Variants in SPAG16 observed in about 807,000 individuals in gnomAD.
SPAG16 encodes sperm-associated antigen 16 protein.
In SPAG16, 86 loss-of-function variants were observed where a neutral mutation model predicts 80.4. That is an observed-to-expected ratio of 1.07 (90% confidence interval 0.90 to 1.28). The LOEUF (loss-of-function observed/expected upper bound fraction) is 1.28. Ranked by LOEUF, SPAG16 falls within the 50% of genes most tolerant of loss-of-function variation. SPAG16 has a pLI of 0.00. For missense variants in SPAG16, 870 were observed against 765.3 expected (o/e 1.14, Z -1.61); for synonymous variants, 294 against 265.9 (o/e 1.11, Z -1.03).
chr2:214,115,635 T>G (rs775593923), intron 14 of SPAG16, among the ~76,000 whole-genome samples: 4 of 152,038 alleles, frequency 2.6e-5, no homozygotes, highest in Non-Finnish European at 5.9e-5. Flanking sequence ...TCCCAAAACT[T>G]TGGGAGACTG....
intron 11 of SPAG16, among the ~76,000 whole-genome samples, chr2:213,925,824 G>A (rs1002582050): frequency 6.6e-6 from 1 of 152,078 alleles, no homozygotes; most frequent in Non-Finnish European, 1.5e-5. Context: ...TATATAAAGA[G>A]CTTATTAGTG....
At chr2:213,565,431 G>A (rs1187667364) in intron 10 of SPAG16, among the ~76,000 whole-genome samples, 3 of 152,208 alleles carry the variant, frequency 2.0e-5, no homozygotes, top group Non-Finnish European at 4.4e-5. Context: ...GGAAACCTAA[G>A]CAAAACATAA....
intron 10 of SPAG16, among the ~76,000 whole-genome samples, chr2:213,776,245 A>C (rs1350509825): frequency 6.6e-6 from 1 of 152,190 alleles, no homozygotes; most frequent in Non-Finnish European, 1.5e-5. Flanking sequence ...GAGCCCTTAA[A>C]AGTGGATAAA....
chr2:213,725,720 C>T (rs903457159), intron 10 of SPAG16, among the ~76,000 whole-genome samples: 3 of 152,202 alleles, frequency 2.0e-5, no homozygotes, highest in Non-Finnish European at 4.4e-5. Context: ...ATGGAGTTGA[C>T]TTGAGTGTTT....
At chr2:213,981,337 T>C (rs2106417030) in intron 12 of SPAG16, among the ~76,000 whole-genome samples, 1 of 152,236 alleles carries the variant, frequency 6.6e-6, no homozygotes, top group East Asian at 1.9e-4. Context: ...AAAAATATAG[T>C]GCTTTGACTT....
chr2:213,493,899 A>T (rs1429113909), intron 10 of SPAG16, among the ~76,000 whole-genome samples: 1 of 152,124 alleles, frequency 6.6e-6, no homozygotes, highest in African/African-American at 2.4e-5. Context: ...GGACTGAATT[A>T]ATAGCCTCCA....
At chr2:213,294,148 T>A (rs953596883) in intron 1 of SPAG16, among the ~76,000 whole-genome samples, 2 of 152,214 alleles carry the variant, frequency 1.3e-5, no homozygotes, top group African/African-American at 4.8e-5. Flanking sequence ...GGAATTTTTT[T>A]TAGATTCCAC....
chr2:214,346,130 AGTT>A (rs1475054152), intron 15 of SPAG16, among the ~76,000 whole-genome samples: 8 of 152,236 alleles, frequency 5.3e-5, no homozygotes, highest in Non-Finnish European at 1.0e-4. Context: ...TATCCAAAGT[AGTT>A]GTGCCAAACA....
chr2:213,388,199 TC>T (rs1282815578), intron 9 of SPAG16, among the ~76,000 whole-genome samples: 1 of 152,212 alleles, frequency 6.6e-6, no homozygotes, highest in Non-Finnish European at 1.5e-5. Context: ...GCAAAAAGCA[TC>T]CTGTCCTGCA....
At chr2:213,605,848 C>T (rs1470511239) in intron 10 of SPAG16, among the ~76,000 whole-genome samples, 2 of 152,126 alleles carry the variant, frequency 1.3e-5, no homozygotes, top group Non-Finnish European at 2.9e-5. Context: ...TAGTAAAGTA[C>T]ACAAATCTTA....
intron 15 of SPAG16, among the ~76,000 whole-genome samples, chr2:214,402,415 A>G (rs888776206): frequency 2.6e-5 from 4 of 152,060 alleles, no homozygotes; most frequent in South Asian, 2.1e-4. Context: ...CAATCTATCA[A>G]ATTAATTTTG....
At chr2:213,613,753 A>G (rs972756152) in intron 10 of SPAG16, among the ~76,000 whole-genome samples, 2 of 151,884 alleles carry the variant, frequency 1.3e-5, no homozygotes, top group African/African-American at 4.8e-5. Context: ...TCTTTTCATT[A>G]CTGTAGCTCC....
intron 15 of SPAG16, among the ~76,000 whole-genome samples, chr2:214,293,812 G>T (rs1430660059): frequency 2.6e-5 from 4 of 152,254 alleles, no homozygotes; most frequent in South Asian, 2.1e-4. Flanking sequence ...AGGGCAGAAT[G>T]CAGGCCTTTG....
chr2:214,305,624 T>C (rs1694859252), intron 15 of SPAG16, among the ~76,000 whole-genome samples: 2 of 152,194 alleles, frequency 1.3e-5, no homozygotes, highest in African/African-American at 4.8e-5. Context: ...ATTTATTGAA[T>C]AGGAAACCTT....
intron 3 of SPAG16, among the ~76,000 whole-genome samples, chr2:213,305,384 AG>A (rs2062899814): frequency 6.6e-6 from 1 of 152,094 alleles, no homozygotes; most frequent in Non-Finnish European, 1.5e-5. Context: ...TAGGACTTCC[AG>A]TACTATGTTG....
intron 7 of SPAG16, among the ~76,000 whole-genome samples, chr2:213,360,276 A>G (rs2065902307): frequency 6.6e-6 from 1 of 152,200 alleles, no homozygotes; most frequent in Admixed American, 6.5e-5. Context: ...ATATCACTAA[A>G]TTTTGTTCAG....
chr2:213,516,828 T>A (rs1465119717), intron 10 of SPAG16, among the ~76,000 whole-genome samples: 1 of 152,214 alleles, frequency 6.6e-6, no homozygotes, highest in Non-Finnish European at 1.5e-5. Context: ...AAAATAATTA[T>A]GTTGTTTTTC....
At chr2:213,346,821 G>A (rs2065020390) in intron 6 of SPAG16, among the ~76,000 whole-genome samples, 2 of 129,538 alleles carry the variant, frequency 1.5e-5, no homozygotes, top group African/African-American at 5.9e-5. Context: ...TGTTCATCAG[G>A]GATATTGGTC....
intron 15 of SPAG16, among the ~76,000 whole-genome samples, chr2:214,330,294 AAAG>A (rs1329761783): frequency 3.9e-5 from 6 of 151,980 alleles, no homozygotes; most frequent in Non-Finnish European, 5.9e-5. Context: ...AAAAAAAGGA[AAAG>A]AAATAAAGAA....
Sources: allele counts gnomAD v4.1 joint callset (sites outside exome capture counted in the v4.1 genomes callset), GRCh38; gene constraint gnomAD v4.1.1; transcripts MANE v1.5; gene names NCBI Gene and HGNC (gene_info 2026-07-23, HGNC 2026-07-21).